Variants in SMARCA1 observed in about 807,000 individuals in gnomAD.
The protein encoded by SMARCA1 is SWI/SNF-related matrix-associated actin-dependent regulator of chromatin subfamily A member 1.
In SMARCA1, 17 loss-of-function variants were observed where a neutral mutation model predicts 93.6. The ratio of observed to expected loss-of-function variants is 0.18; its 90% CI spans 0.12 to 0.27. The LOEUF (loss-of-function observed/expected upper bound fraction) is 0.27, where lower values mean the gene tolerates loss of function less well. Ranked by LOEUF, SMARCA1 falls within the 10% of genes least tolerant of loss-of-function variation. The pLI, the probability that SMARCA1 is intolerant of heterozygous loss-of-function variation, is 1.00. For synonymous variants in SMARCA1, 271 were observed against 271.4 expected, an observed-to-expected ratio of 1.00 and a Z score of 0.01; for missense variants, 630 against 819.0, an observed-to-expected ratio of 0.77 and a Z score of 2.82.
At chrX:129,466,272 T>C (rs1932904521) in intron 21 of SMARCA1, among the ~76,000 whole-genome samples, 1 of 111,563 alleles carries the variant, frequency 9.0e-6, no homozygotes, top group Admixed American at 9.6e-5. Flanking sequence ...CTAGGCTTTT[T>C]ACTCAAACAT....
At chrX:129,468,722 A>T in intron 21 of SMARCA1, 51 bp downstream of exon 21, 1 of 940,745 alleles carries the variant, frequency 1.1e-6, no homozygotes, top group South Asian at 2.6e-5. Context: ...TTGATGCTAA[A>T]TAAATGAATA....
chrX:129,490,157 T>C lies in SMARCA1; in HGVS notation c.1851A>G (p.Val617=). The part of the protein sequence containing the change: ...RAHRIGQKKP[V]RVFRLITDNT... ...TGTCAGTGATGAGACGGAATACACG[T>C]ACTGGTTTCTTCTGACCAATACGAT... Residue 617 remains valine, a synonymous_variant, in exon 15 of 25, where the codon GTA becomes GTG. Coordinates refer to ENST00000371121, the MANE Select transcript of SMARCA1 (RefSeq NM_001282874.2). 2 of 1,192,224 alleles carry C rather than the reference T, an allele frequency of 1.7e-6. No individual in the cohort carries two copies. Among genetic ancestry groups the C allele is most frequent in the Non-Finnish European group, 2.3e-6 (2 of 878,118 alleles).
Position 129,465,397 on chromosome X carries a change from GAGAGAA to G in SMARCA1, c.3030+117_3030+122del. 16 of 474,883 alleles carry G rather than the reference GAGAGAA, an allele frequency of 3.4e-5. No individual in the cohort carries two copies. In the Admixed American group the frequency reaches 5.6e-4, roughly 17 times the overall value. The allele number at this position is 474,883 out of a possible 1,213,427, so 39.1% of individuals were successfully genotyped here. On this transcript the variant is annotated intron_variant, in intron 23 of 24. Transcript: ENST00000371121. Reference sequence around the variant, plus strand: ...GTATGTATACACATACACACAGAGAGAGAGAAAGAGAGAGCGCCAATGTGTCAAAAT... The same window carrying G: ...GTATGTATACACATACACACAGAGAGAGAGAGAGCGCCAATGTGTCAAAAT...
At chrX:129,496,999 GCA>G (rs56171349) in intron 11 of SMARCA1, 128 bp from the exon 12 acceptor site, 52,793 of 352,788 alleles carry the variant, frequency 0.15, 1,180 homozygotes, top group East Asian at 0.33. Flanking sequence ...ACACACACGT[GCA>G]CACACACACA....
rs780225300 is a variant in SMARCA1, at chrX:129,504,549, T to TAAAAAAAAAAAAAAA, written c.1167+170_1167+184dup. ...GAGAGAGGCTGAGGACATAGAGGAA[T>TAAAAAAAAAAAAAAA]AAAAAAAAAAAAAAAAAAAAAAAAA... On this transcript the variant is annotated intron_variant, in intron 9 of 24. Coordinates refer to ENST00000371121, the MANE Select transcript of SMARCA1 (RefSeq NM_001282874.2). 3.7e-4 allele frequency among the ~76,000 whole-genome samples: 9 copies of TAAAAAAAAAAAAAAA among 24,205 alleles called. 1 individual carries two copies. The highest frequency in any genetic ancestry group is 1.3e-3 in the African/African-American group (9 of 7,007). The allele number at this position is 24,205 out of a possible 115,157, so 21.0% of individuals were successfully genotyped here. A position where few individuals can be genotyped will look rare whatever the true frequency, so the allele number is the denominator to read the frequency against.
chrX:129,451,553 T>C (rs145082285), intron 23 of SMARCA1, among the ~76,000 whole-genome samples: 99 of 111,554 alleles, frequency 8.9e-4, no homozygotes, highest in Admixed American at 2.0e-3. Context: ...AATTAGTTCA[T>C]ACCTTCATTC....
Position 129,504,549 on chromosome X carries a change from T to TAAAAAAAAAAAA in SMARCA1, c.1167+173_1167+184dup, listed in dbSNP as rs780225300. On this transcript the variant is annotated intron_variant, in intron 9 of 24. Transcript: ENST00000371121. The stretch of plus-strand genomic sequence containing the variant: ...GAGAGAGGCTGAGGACATAGAGGAA[T>TAAAAAAAAAAAA]AAAAAAAAAAAAAAAAAAAAAAAAA... 1.6e-3 allele frequency among the ~76,000 whole-genome samples: 38 copies of TAAAAAAAAAAAA among 24,205 alleles called. 5 individuals are homozygous for TAAAAAAAAAAAA. Among genetic ancestry groups the TAAAAAAAAAAAA allele is most frequent in the African/African-American group, 5.0e-3 (35 of 7,007 alleles). The allele number at this position is 24,205 out of a possible 115,157, so 21.0% of individuals were successfully genotyped here. A position where few individuals can be genotyped will look rare whatever the true frequency, so the allele number is the denominator to read the frequency against.
chrX:129,502,060 A>G (rs1602713840), intron 9 of SMARCA1, among the ~76,000 whole-genome samples: 1 of 112,142 alleles, frequency 8.9e-6, no homozygotes, highest in East Asian at 2.8e-4. Context: ...ACAGGGGAAG[A>G]GTAAAAGAAG....
In SMARCA1 at chrX:129,497,833, T is replaced by C. The variant is rs1432062925; in HGVS notation, c.1504+12A>G. ...AATTTATTCCATGCTAATTTAAAAATTTATTACTCACCCTGTTCTTTGAGT... is the reference window on the plus strand; with the variant it reads ...AATTTATTCCATGCTAATTTAAAAACTTATTACTCACCCTGTTCTTTGAGT... On this transcript the variant is annotated intron_variant, in intron 11 of 24. Transcript: ENST00000371121. 3 of 1,105,071 alleles carry C rather than the reference T, an allele frequency of 2.7e-6. No individual in the cohort carries two copies. Among genetic ancestry groups the C allele is most frequent in the East Asian group, 3.0e-5 (1 of 33,307 alleles). The allele number at this position is 1,105,071 out of a possible 1,213,427, so 91.1% of individuals were successfully genotyped here.
rs753904712 is a variant in SMARCA1 at position 129,482,062 on chromosome X, T to A, written c.2218-877A>T. 5.3e-5 allele frequency among the ~76,000 whole-genome samples: 5 copies of A among 94,995 alleles called. No homozygotes were observed. The South Asian group carries it at 2.9e-3, about 55-fold the overall frequency. The allele number at this position is 94,995 out of a possible 115,157, so 82.5% of individuals were successfully genotyped here. Reference sequence around the variant, plus strand: ...TGGATGAAATTGGAAATCATCATTCTCAGTAAACTATCGCAAGAACAAAAA... The same window carrying A: ...TGGATGAAATTGGAAATCATCATTCACAGTAAACTATCGCAAGAACAAAAA... On this transcript the variant is annotated intron_variant, in intron 17 of 24. Coordinates refer to ENST00000371121, the MANE Select transcript of SMARCA1 (RefSeq NM_001282874.2).
chrX:129,501,237 T>C (rs1215826918), intron 9 of SMARCA1, among the ~76,000 whole-genome samples: 1 of 111,534 alleles, frequency 9.0e-6, no homozygotes, highest in Non-Finnish European at 1.9e-5. Context: ...CTCTAATTTT[T>C]CCAAGCCTAT....
chrX:129,523,110 G>A, intron 1 of SMARCA1, 87 bp downstream of exon 1: 2 of 1,034,713 alleles, frequency 1.9e-6, no homozygotes, highest in Non-Finnish European at 2.6e-6. Context: ...GCGGGTACCT[G>A]TCGGCGCCGA....
At chrX:129,484,382 T>C (rs990709712) in intron 17 of SMARCA1, among the ~76,000 whole-genome samples, 2 of 111,529 alleles carry the variant, frequency 1.8e-5, no homozygotes, top group Non-Finnish European at 1.9e-5. Flanking sequence ...GGATAAAATA[T>C]AAGCCGTCTA....
At chrX:129,502,284 C>T (rs969038019) in intron 9 of SMARCA1, among the ~76,000 whole-genome samples, 1 of 110,793 alleles carries the variant, frequency 9.0e-6, no homozygotes, top group Non-Finnish European at 1.9e-5. Flanking sequence ...AGAGCATGTA[C>T]GAAAGTCAAA....
At chrX:129,479,639 T>C (rs2124240103) in intron 19 of SMARCA1, among the ~76,000 whole-genome samples, 1 of 109,730 alleles carries the variant, frequency 9.1e-6, no homozygotes, top group African/African-American at 3.3e-5. Context: ...CTTCATAAAA[T>C]TAAAATAGTG....
In SMARCA1 at chrX:129,507,932, A is replaced by G. The variant is rs765077276; in HGVS notation, c.966+9T>C. ...AATGTAAACTTTAATAAAGATATTG[A>G]TAACTTACCTTAGATTTTTCATTCT... On this transcript the variant is annotated intron_variant, in intron 7 of 24. Transcript: ENST00000371121. The G allele has an allele frequency of 6.4e-6, 7 of 1,094,649 alleles. No homozygotes were observed. In the Admixed American group the frequency reaches 1.5e-4, roughly 23 times the overall value. The allele number at this position is 1,094,649 out of a possible 1,213,427, so 90.2% of individuals were successfully genotyped here.
chrX:129,471,111 G>A, intron 20 of SMARCA1, 93 bp downstream of exon 20: 3 of 664,794 alleles, frequency 4.5e-6, no homozygotes, highest in South Asian at 7.3e-5. Context: ...TGTCACACTA[G>A]GATACTAGGC....
intron 14 of SMARCA1, among the ~76,000 whole-genome samples, chrX:129,491,353 T>C (rs1467346546): frequency 9.0e-6 from 1 of 111,422 alleles, no homozygotes; most frequent in Non-Finnish European, 1.9e-5. Context: ...GACACCAAAA[T>C]ATCAAAGGGG....
chrX:129,489,311 A>T (rs1401944967), intron 15 of SMARCA1, among the ~76,000 whole-genome samples: 3 of 112,404 alleles, frequency 2.7e-5, no homozygotes, highest in Non-Finnish European at 5.6e-5. Flanking sequence ...AAAACCCAGA[A>T]GGACAGAAAC....
Sources: gnomAD v4.1 joint callset for allele counts (sites outside exome capture counted in the v4.1 genomes callset) on GRCh38, gnomAD v4.1.1 for gene constraint, MANE v1.5 for transcripts, NCBI Gene and HGNC (gene_info 2026-07-23, HGNC 2026-07-21) for gene names.